ADAMTS6: variants seen among roughly 807,000 people sequenced by gnomAD.
The protein encoded by ADAMTS6 is ADAM metallopeptidase with thrombospondin type 1 motif 6, also known as A disintegrin and metalloproteinase with thrombospondin motifs 6.
A neutral mutation model predicts 144.3 loss-of-function variants in ADAMTS6; 23 were observed. The ratio of observed to expected loss-of-function variants is 0.16; its 90% CI spans 0.11 to 0.23. ADAMTS6 has a LOEUF of 0.23. ADAMTS6 is among the 10% of genes least tolerant of loss of function. The probability of loss-of-function intolerance (pLI) is 1.00; values close to 1 mark genes in which losing one functional copy is unlikely to be tolerated. For missense variants in ADAMTS6, 999 were observed against 1,379.6 expected, an observed-to-expected ratio of 0.72 and a Z score of 4.37; for synonymous variants, 444 against 457.5, an observed-to-expected ratio of 0.97 and a Z score of 0.38.
At chr5:65,466,569 C>G (rs1030970950) in intron 3 of ADAMTS6, among the ~76,000 whole-genome samples, 4 of 151,926 alleles carry the variant, frequency 2.6e-5, no homozygotes, top group African/African-American at 9.7e-5. Context: ...CAACAGTGCC[C>G]ATTATATGGA....
chr5:65,449,510 T>C (rs532671305), intron 7 of ADAMTS6, among the ~76,000 whole-genome samples: 115 of 151,918 alleles, frequency 7.6e-4, no homozygotes, highest in Non-Finnish European at 2.1e-4. Flanking sequence ...CAGCTACTCA[T>C]GAGGCTGAGG....
intron 7 of ADAMTS6, among the ~76,000 whole-genome samples, chr5:65,417,999 C>G (rs994200261): frequency 3.3e-5 from 5 of 152,094 alleles, no homozygotes; most frequent in African/African-American, 1.2e-4. Context: ...AGTAACCAAA[C>G]AGTATGGTAC....
intron 7 of ADAMTS6, among the ~76,000 whole-genome samples, chr5:65,382,988 T>C (rs1053330590): frequency 6.6e-6 from 1 of 152,190 alleles, no homozygotes; most frequent in African/African-American, 2.4e-5. Context: ...TGTGTTCTCA[T>C]ATGGTGAAAG....
At chr5:65,218,780 T>C (rs971985563) in intron 18 of ADAMTS6, among the ~76,000 whole-genome samples, 3 of 151,942 alleles carry the variant, frequency 2.0e-5, no homozygotes, top group Non-Finnish European at 2.9e-5. Flanking sequence ...ATAATAACCA[T>C]ATATTGTGGG....
In ADAMTS6 at chr5:65,403,925, G is replaced by C. The variant is rs545227400; in HGVS notation, c.1073+47550C>G. ...TGTATGTTCACTCCTATATTTCAGT[G>C]CATAGAATGCACAGAAAAAAAAGAG... On this transcript the variant is annotated intron_variant, in intron 7 of 24. Transcript: ENST00000381055. Among the ~76,000 whole-genome samples the C allele has an allele frequency of 3.3e-5, 5 of 151,968 alleles. No individual in the cohort carries two copies. In the South Asian group the frequency reaches 1.0e-3, roughly 32 times the overall value.
intron 7 of ADAMTS6, among the ~76,000 whole-genome samples, chr5:65,396,000 A>G (rs1200111097): frequency 1.3e-5 from 2 of 152,244 alleles, no homozygotes; most frequent in Non-Finnish European, 2.9e-5. Flanking sequence ...TTAGCCCAGC[A>G]TAAGCCACAA....
chr5:65,274,138 C>T (rs1185479443), intron 11 of ADAMTS6, among the ~76,000 whole-genome samples: 1 of 151,918 alleles, frequency 6.6e-6, no homozygotes, highest in African/African-American at 2.4e-5. Flanking sequence ...ATTATCCTAC[C>T]TCAGCATAGG....
intron 14 of ADAMTS6, among the ~76,000 whole-genome samples, chr5:65,243,023 C>A (rs1374787936): frequency 1.3e-5 from 2 of 152,068 alleles, no homozygotes; most frequent in Non-Finnish European, 2.9e-5. Flanking sequence ...CTAAACTCAA[C>A]CTTTAAGTTC....
At chr5:65,404,299 C>T (rs888765118) in intron 7 of ADAMTS6, among the ~76,000 whole-genome samples, 1 of 152,034 alleles carries the variant, frequency 6.6e-6, no homozygotes, top group Non-Finnish European at 1.5e-5. Context: ...TGCTCCCTGC[C>T]CCTACCCCAT....
chr5:65,237,190 T>A (rs1437006783), intron 15 of ADAMTS6, among the ~76,000 whole-genome samples: 1 of 151,766 alleles, frequency 6.6e-6, no homozygotes, highest in Non-Finnish European at 1.5e-5. Flanking sequence ...GCTTAGGAGT[T>A]TGAGAACAGC....
intron 8 of ADAMTS6, among the ~76,000 whole-genome samples, chr5:65,330,329 A>T (rs1746591169): frequency 1.3e-5 from 2 of 152,136 alleles, no homozygotes; most frequent in Admixed American, 6.6e-5. Context: ...TAAAAAAAGA[A>T]TTTTTGTGCA....
chr5:65,257,514 A>G (rs1302149173), intron 14 of ADAMTS6, among the ~76,000 whole-genome samples: 2 of 152,122 alleles, frequency 1.3e-5, no homozygotes, highest in Admixed American at 1.3e-4. Flanking sequence ...CGCAGAGCCC[A>G]TGGCTCAGCA....
At chr5:65,391,967 C>G (rs998608783) in intron 7 of ADAMTS6, among the ~76,000 whole-genome samples, 2 of 152,098 alleles carry the variant, frequency 1.3e-5, no homozygotes, top group African/African-American at 4.8e-5. Context: ...AACTCCTGAT[C>G]TCAAGTGATC....
intron 9 of ADAMTS6, among the ~76,000 whole-genome samples, chr5:65,317,873 A>G (rs1242496050): frequency 5.3e-5 from 8 of 152,098 alleles, no homozygotes; most frequent in Admixed American, 5.2e-4. Flanking sequence ...GGAGATCGAG[A>G]CCATCCTGGC....
chr5:65,266,224 T>C (rs561678047), intron 12 of ADAMTS6, among the ~76,000 whole-genome samples: 1 of 152,022 alleles, frequency 6.6e-6, no homozygotes, highest in Non-Finnish European at 1.5e-5. Context: ...TGAACTAAAG[T>C]CATTCTTTAG....
intron 7 of ADAMTS6, among the ~76,000 whole-genome samples, chr5:65,450,565 G>T (rs1332211953): frequency 6.6e-6 from 1 of 152,072 alleles, no homozygotes; most frequent in Non-Finnish European, 1.5e-5. Flanking sequence ...TTTGCTTATT[G>T]TTTATTGTTA....
At chr5:65,446,423 C>G (rs1758274698) in intron 7 of ADAMTS6, among the ~76,000 whole-genome samples, 1 of 152,016 alleles carries the variant, frequency 6.6e-6, no homozygotes, top group Non-Finnish European at 1.5e-5. Flanking sequence ...CAGTCATGAC[C>G]CCTTAAGAGG....
At chr5:65,285,773 T>C (rs751172239) in intron 11 of ADAMTS6, among the ~76,000 whole-genome samples, 3 of 152,146 alleles carry the variant, frequency 2.0e-5, no homozygotes, top group Non-Finnish European at 4.4e-5. Flanking sequence ...TATTAAGTAA[T>C]GTTGTTAGAA....
intron 10 of ADAMTS6, among the ~76,000 whole-genome samples, chr5:65,292,917 T>C (rs189814548): frequency 3.9e-4 from 59 of 152,266 alleles, no homozygotes; most frequent in African/African-American, 1.4e-3. Flanking sequence ...AACACTTTTT[T>C]ATTTCCTTTT....
Sources: allele counts gnomAD v4.1 joint callset (sites outside exome capture counted in the v4.1 genomes callset), GRCh38; gene constraint gnomAD v4.1.1; transcripts MANE v1.5; gene names NCBI Gene and HGNC (gene_info 2026-07-23, HGNC 2026-07-21).